Variants in SNTG1 observed in about 807,000 individuals in gnomAD.
The protein encoded by SNTG1 is syntrophin gamma 1.
Under a neutral mutation model 74.7 loss-of-function variants are expected in SNTG1, and 39 were observed. That is an observed-to-expected ratio of 0.52 (90% CI 0.40 to 0.68). SNTG1 has a LOEUF of 0.68. SNTG1 is among the 30% of genes least tolerant of loss of function. SNTG1 has a pLI of 0.00. For synonymous variants in SNTG1, 254 were observed against 217.1 expected (o/e 1.17, Z -1.49); for missense variants, 685 against 609.5 (o/e 1.12, Z -1.30).
At chr8:50,584,017 G>A (rs2094629987) in intron 12 of SNTG1, among the ~76,000 whole-genome samples, 2 of 152,002 alleles carry the variant, frequency 1.3e-5, no homozygotes, top group Admixed American at 1.3e-4. Flanking sequence ...GTGAGAACAT[G>A]CGGTGTTTGG....
At chr8:50,428,371 C>T (rs73581347) in intron 4 of SNTG1, among the ~76,000 whole-genome samples, 4,234 of 152,150 alleles carry the variant, frequency 0.028, 184 homozygotes, top group African/African-American at 0.096. Flanking sequence ...GCAGTGGCTC[C>T]TAGTTCCTGC....
At chr8:50,690,337 G>A (rs2095372219) in intron 15 of SNTG1, among the ~76,000 whole-genome samples, 1 of 152,128 alleles carries the variant, frequency 6.6e-6, no homozygotes, top group Non-Finnish European at 1.5e-5. Flanking sequence ...TAATTGTGAT[G>A]TTAGGGTGTC....
At chr8:50,534,507 T>G (rs1163420149) in intron 10 of SNTG1, among the ~76,000 whole-genome samples, 2 of 152,130 alleles carry the variant, frequency 1.3e-5, no homozygotes, top group East Asian at 1.9e-4. Flanking sequence ...TAAAAAAACT[T>G]TCTTGTCTCA....
intron 1 of SNTG1, among the ~76,000 whole-genome samples, chr8:49,938,319 T>C (rs1385817348): frequency 1.3e-5 from 2 of 152,224 alleles, no homozygotes; most frequent in Non-Finnish European, 2.9e-5. Flanking sequence ...TTTGCATGCC[T>C]TAGCTAATTT....
intron 9 of SNTG1, among the ~76,000 whole-genome samples, chr8:50,520,662 C>G (rs2094172227): frequency 6.6e-6 from 1 of 152,090 alleles, no homozygotes; most frequent in Non-Finnish European, 1.5e-5. Flanking sequence ...CCAACAGACA[C>G]ATGAAAAAAT....
intron 15 of SNTG1, among the ~76,000 whole-genome samples, chr8:50,702,051 A>G (rs2131515067): frequency 1.0e-5 from 1 of 97,046 alleles, no homozygotes; most frequent in East Asian, 3.2e-4. Flanking sequence ...GGGTTTCACC[A>G]TGTGGGACAG....
intron 17 of SNTG1, among the ~76,000 whole-genome samples, chr8:50,734,875 ATATATATATC>A (rs2095523347): frequency 8.0e-6 from 1 of 125,212 alleles, no homozygotes; most frequent in African/African-American, 3.3e-5. Flanking sequence ...ATATATGGAC[ATATATATATC>A]TATATATATG....
At chr8:50,653,997 C>T (rs1294479399) in intron 13 of SNTG1, among the ~76,000 whole-genome samples, 1 of 152,050 alleles carries the variant, frequency 6.6e-6, no homozygotes, top group East Asian at 1.9e-4. Flanking sequence ...GTCTTCTTGC[C>T]AGTTTTACTA....
intron 1 of SNTG1, among the ~76,000 whole-genome samples, chr8:50,059,092 A>G (rs1820264792): frequency 6.6e-6 from 1 of 151,908 alleles, no homozygotes; most frequent in Non-Finnish European, 1.5e-5. Flanking sequence ...TTCATTTTTT[A>G]TTTCTGAGTA....
chr8:50,586,855 A>G (rs1353869140), intron 12 of SNTG1, among the ~76,000 whole-genome samples: 2 of 152,152 alleles, frequency 1.3e-5, no homozygotes, highest in Non-Finnish European at 2.9e-5. Flanking sequence ...GTTAAAAAAA[A>G]AGTAAAGATT....
intron 11 of SNTG1, among the ~76,000 whole-genome samples, chr8:50,546,383 T>TTTTA (rs1554569913): frequency 6.6e-6 from 1 of 151,458 alleles, no homozygotes; most frequent in East Asian, 1.9e-4. Flanking sequence ...GGAAGACTTT[T>TTTTA]TTATTATTAT....
At chr8:50,260,780 GA>G (rs1413968550) in intron 2 of SNTG1, among the ~76,000 whole-genome samples, 1 of 148,122 alleles carries the variant, frequency 6.8e-6, no homozygotes, top group East Asian at 2.0e-4. Flanking sequence ...AGAAAAGCAA[GA>G]AATTAAAAGT....
chr8:50,542,963 T>C (rs899224888), intron 11 of SNTG1, among the ~76,000 whole-genome samples: 1 of 152,204 alleles, frequency 6.6e-6, no homozygotes, highest in Non-Finnish European at 1.5e-5. Context: ...GTTGTTTGAG[T>C]GTCCTGTATA....
intron 2 of SNTG1, among the ~76,000 whole-genome samples, chr8:50,333,132 C>G (rs528450979): frequency 6.6e-6 from 1 of 152,216 alleles, no homozygotes; most frequent in Non-Finnish European, 1.5e-5. Flanking sequence ...CAAGACTCAG[C>G]CTGCTGGGCT....
At chr8:50,394,167 ATGCCATGCTG>A (rs1266149072) in intron 2 of SNTG1, 35 bp from the exon 3 acceptor site, 1 of 1,494,172 alleles carries the variant, frequency 6.7e-7, no homozygotes, top group Non-Finnish European at 9.2e-7. Flanking sequence ...TCTCTCTTAC[ATGCCATGCTG>A]TGCCTAATGG....
At chr8:50,039,902 C>A (rs931313835) in intron 1 of SNTG1, among the ~76,000 whole-genome samples, 1 of 152,100 alleles carries the variant, frequency 6.6e-6, no homozygotes, top group African/African-American at 2.4e-5. Context: ...TGAAGGAGGC[C>A]TTTGCCTGCT....
At chr8:50,303,335 C>T (rs2089733948) in intron 2 of SNTG1, among the ~76,000 whole-genome samples, 2 of 151,900 alleles carry the variant, frequency 1.3e-5, no homozygotes, top group Non-Finnish European at 2.9e-5. Context: ...AGAATGTCCT[C>T]AGTACATATA....
At chr8:50,214,583 T>C (rs2084687120) in intron 2 of SNTG1, among the ~76,000 whole-genome samples, 1 of 152,010 alleles carries the variant, frequency 6.6e-6, no homozygotes, top group South Asian at 2.1e-4. Flanking sequence ...AAAATTGGGG[T>C]CAAGAAAATA....
In SNTG1 at chr8:50,708,925, G is replaced by A. The variant is rs1359994679; in HGVS notation, c.1231G>A (p.Gly411Arg). 4 of 1,613,694 alleles carry A rather than the reference G, an allele frequency of 2.5e-6. No individual in the cohort carries two copies. Among genetic ancestry groups the A allele is most frequent in the Non-Finnish European group, 3.4e-6 (4 of 1,179,860 alleles). The stretch of plus-strand genomic sequence containing the variant: ...ATGTGTGCTAGAAAGTCATCTAATG[G>A]GACTCACAATTGATTTCAGCACAGG... The part of the protein sequence containing the change: ...YACVLESHLM[G>R]LTIDFSTGFI... Residue 411 changes from glycine to arginine, a missense_variant, in exon 17 of 19, where the codon GGA becomes AGA. Coordinates refer to ENST00000642720, the MANE Select transcript of SNTG1 (RefSeq NM_018967.5).
Sources: gnomAD v4.1 joint callset for allele counts (sites outside exome capture counted in the v4.1 genomes callset) on GRCh38, gnomAD v4.1.1 for gene constraint, MANE v1.5 for transcripts, NCBI Gene and HGNC (gene_info 2026-07-23, HGNC 2026-07-21) for gene names.